The following NRG3 variants were observed in gnomAD, a reference collection of about 807,000 sequenced individuals.
NRG3 encodes the protein pro-neuregulin-3, membrane-bound isoform.
Under a neutral mutation model 66.9 loss-of-function variants are expected in NRG3, and 31 were observed. The ratio of observed to expected loss-of-function variants is 0.46; its 90% CI spans 0.35 to 0.63. The LOEUF is 0.63. Among genes scored for constraint, NRG3 ranks in the 20% least tolerant of loss-of-function variants. The pLI, the probability that NRG3 is intolerant of heterozygous loss-of-function variation, is 0.00. For missense variants in NRG3, 910 were observed against 878.9 expected, an observed-to-expected ratio of 1.04 and a Z score of -0.45; for synonymous variants, 393 against 359.4, an observed-to-expected ratio of 1.09 and a Z score of -1.06.
intron 2 of NRG3, among the ~76,000 whole-genome samples, chr10:82,717,775 A>C (rs759809445): frequency 6.6e-6 from 1 of 152,050 alleles, no homozygotes; most frequent in Non-Finnish European, 1.5e-5. Context: ...CTCTCAACCA[A>C]GGGGTTCTTG....
At chr10:82,598,454 T>C (rs1384284932) in intron 2 of NRG3, among the ~76,000 whole-genome samples, 1 of 152,240 alleles carries the variant, frequency 6.6e-6, no homozygotes, top group Non-Finnish European at 1.5e-5. Context: ...ACATTCCTTA[T>C]CTATCCTTTG....
intron 2 of NRG3, among the ~76,000 whole-genome samples, chr10:82,504,950 TAAGA>T (rs1171820321): frequency 4.6e-5 from 7 of 152,124 alleles, no homozygotes; most frequent in African/African-American, 1.4e-4. Flanking sequence ...AAATGCTAAG[TAAGA>T]AAGAAAGGGA....
chr10:82,201,619 T>C (rs2074830849), intron 1 of NRG3, among the ~76,000 whole-genome samples: 1 of 150,214 alleles, frequency 6.7e-6, no homozygotes, highest in Admixed American at 6.6e-5. Flanking sequence ...AAAAGTTGTC[T>C]TTTTTTTTAG....
chr10:82,509,748 G>A (rs1442482283), intron 2 of NRG3, among the ~76,000 whole-genome samples: 3 of 152,098 alleles, frequency 2.0e-5, no homozygotes, highest in Non-Finnish European at 4.4e-5. Flanking sequence ...ATTCCTGACT[G>A]CATAATTACG....
chr10:82,194,374 A>G (rs1229324183), intron 1 of NRG3, among the ~76,000 whole-genome samples: 1 of 152,154 alleles, frequency 6.6e-6, no homozygotes, highest in Non-Finnish European at 1.5e-5. Context: ...GTGAAAAGTG[A>G]GAAATGGATG....
chr10:82,014,200 G>C (rs940813934), intron 1 of NRG3, among the ~76,000 whole-genome samples: 9 of 152,154 alleles, frequency 5.9e-5, no homozygotes, highest in African/African-American at 2.2e-4. Flanking sequence ...CTAATATGTA[G>C]ACTGGGCAGT....
chr10:82,147,922 C>G (rs2070380954), intron 1 of NRG3, among the ~76,000 whole-genome samples: 1 of 152,090 alleles, frequency 6.6e-6, no homozygotes, highest in African/African-American at 2.4e-5. Context: ...ATGATTGTTG[C>G]TGGGCTCTTC....
chr10:82,114,816 G>A (rs1253517616), intron 1 of NRG3, among the ~76,000 whole-genome samples: 1 of 152,092 alleles, frequency 6.6e-6, no homozygotes, highest in Non-Finnish European at 1.5e-5. Context: ...GCTGTGGTTA[G>A]GAGGGTAAGC....
At chr10:82,613,419 T>TA (rs576124269) in intron 2 of NRG3, among the ~76,000 whole-genome samples, 4 of 151,232 alleles carry the variant, frequency 2.6e-5, no homozygotes, top group Non-Finnish European at 4.4e-5. Flanking sequence ...CTTATTATTT[T>TA]AAAAAAAATA....
intron 1 of NRG3, among the ~76,000 whole-genome samples, chr10:82,310,862 G>A (rs928320817): frequency 3.3e-5 from 5 of 152,146 alleles, no homozygotes; most frequent in African/African-American, 1.2e-4. Context: ...GATGTCATAT[G>A]TAGGTAAAAG....
At chr10:82,929,213 C>T (rs1246352248) in intron 4 of NRG3, among the ~76,000 whole-genome samples, 2 of 152,160 alleles carry the variant, frequency 1.3e-5, no homozygotes, top group Admixed American at 6.5e-5. Flanking sequence ...AAGATGCTCA[C>T]ATGCTAATGG....
intron 1 of NRG3, among the ~76,000 whole-genome samples, chr10:82,253,986 C>G (rs2077599060): frequency 6.6e-6 from 1 of 152,168 alleles, no homozygotes; most frequent in African/African-American, 2.4e-5. Flanking sequence ...CATTACCCAG[C>G]TTTCACTATT....
At chr10:82,130,409 G>A (rs892650153) in intron 1 of NRG3, among the ~76,000 whole-genome samples, 1 of 151,418 alleles carries the variant, frequency 6.6e-6, no homozygotes, top group African/African-American at 2.4e-5. Context: ...CCCAGTGTGT[G>A]ATGTTCCCCT....
In NRG3 at chr10:82,639,716, TTTTCTTGGCTGTAAGAA is replaced by T. The variant is rs1210176743; in HGVS notation, c.954-98852_954-98836del. 1.0e-3 allele frequency among the ~76,000 whole-genome samples: 156 copies of T among 152,322 alleles called. 2 individuals are homozygous for T. Among genetic ancestry groups the T allele is most frequent in the African/African-American group, 3.6e-3 (148 of 41,580 alleles). Reference sequence around the variant, plus strand: ...AACCAAATTTAACCCCCTTTTAAGATTTTCTTGGCTGTAAGAATTTCTTGGTAATGGCTGAAAGAGCC... The same window carrying T: ...AACCAAATTTAACCCCCTTTTAAGATTTTCTTGGTAATGGCTGAAAGAGCC... On this transcript the variant is annotated intron_variant, in intron 2 of 8. Coordinates refer to ENST00000372141, the MANE Select transcript of NRG3 (RefSeq NM_001010848.4).
At chr10:82,399,336 T>C (rs2086924308) in intron 2 of NRG3, among the ~76,000 whole-genome samples, 1 of 152,132 alleles carries the variant, frequency 6.6e-6, no homozygotes, top group African/African-American at 2.4e-5. Context: ...ATACAAAATA[T>C]CTTTCTTAAG....
chr10:82,751,615 G>C (rs1204568516), intron 3 of NRG3, among the ~76,000 whole-genome samples: 1 of 152,054 alleles, frequency 6.6e-6, no homozygotes, highest in African/African-American at 2.4e-5. Flanking sequence ...ACCTTGCCAG[G>C]TACATGCACA....
chr10:81,939,712 A>C (rs1479185035), intron 1 of NRG3, among the ~76,000 whole-genome samples: 1 of 151,110 alleles, frequency 6.6e-6, no homozygotes, highest in Non-Finnish European at 1.5e-5. Context: ...TTAAAAAAAA[A>C]AAACCCAAAT....
At chr10:82,138,145 A>G (rs554856991) in intron 1 of NRG3, among the ~76,000 whole-genome samples, 4 of 152,062 alleles carry the variant, frequency 2.6e-5, no homozygotes, top group South Asian at 4.2e-4. Flanking sequence ...ATTCAAATAC[A>G]TCTGTGTTTA....
chr10:82,948,342 A>G (rs1352064337), intron 4 of NRG3, among the ~76,000 whole-genome samples: 3 of 152,120 alleles, frequency 2.0e-5, no homozygotes, highest in Non-Finnish European at 4.4e-5. Flanking sequence ...TCTTGAAATA[A>G]AGTCATGAGA....
Sources: gnomAD v4.1 joint callset for allele counts (sites outside exome capture counted in the v4.1 genomes callset) on GRCh38, gnomAD v4.1.1 for gene constraint, MANE v1.5 for transcripts, NCBI Gene and HGNC (gene_info 2026-07-23, HGNC 2026-07-21) for gene names.